Variants in OTOG observed in about 807,000 individuals in gnomAD.
The protein encoded by OTOG is otogelin.
OTOG carries 296 observed loss-of-function variants against 313.8 expected under a neutral mutation model. The observed-to-expected ratio is 0.94, with a 90% CI of 0.86 to 1.04. The LOEUF (loss-of-function observed/expected upper bound fraction) is 1.04, where lower values mean the gene tolerates loss of function less well. Among genes scored for constraint, OTOG ranks in the 50% least tolerant of loss-of-function variants. The pLI is 0.00. For synonymous variants in OTOG, 1,533 were observed against 1,554.9 expected, an observed-to-expected ratio of 0.99 and a Z score of 0.33; for missense variants, 3,948 against 3,840.1, an observed-to-expected ratio of 1.03 and a Z score of -0.74.
chr11:17,596,167 C>A lies in OTOG; in HGVS notation c.3525+13C>A, dbSNP rs1249541071. On this transcript the variant is annotated intron_variant, in intron 29 of 55. Transcript: ENST00000399397. ...CTGCCACCCTGTGGTGAGTGTACCCCAGCCTCGGCTCCTCCCGAGTGCCCC... is the reference window on the plus strand; with the variant it reads ...CTGCCACCCTGTGGTGAGTGTACCCAAGCCTCGGCTCCTCCCGAGTGCCCC... 1.3e-6 allele frequency: 2 copies of A among 1,532,560 alleles called. No individual in the cohort carries two copies. Among genetic ancestry groups the A allele is most frequent in the Admixed American group, 2.0e-5 (1 of 50,986 alleles). The allele number at this position is 1,532,560 out of a possible 1,614,324, so 94.9% of individuals were successfully genotyped here. A position where few individuals can be genotyped will look rare whatever the true frequency, so the allele number is the denominator to read the frequency against.
In OTOG at chr11:17,632,151, G is replaced by A. The variant is rs188832359; in HGVS notation, c.6997G>A (p.Val2333Met). 2.1e-5 allele frequency: 33 copies of A among 1,551,056 alleles called. No individual in the cohort carries two copies. Among genetic ancestry groups the A allele is most frequent in the South Asian group, 4.8e-5 (4 of 84,064 alleles). ...RDTKYVQQPC[V>M]ALTVYVAMCH... ...CACCAAGTACGTGCAGCAGCCCTGC[G>A]TGGCCCTGACTGTGTACGTGGCCAT... The change falls in exon 42 of 56, where the codon GTG becomes ATG. Residue 2333 changes from valine to methionine, a missense_variant. Coordinates refer to ENST00000399397, the MANE Select transcript of OTOG (RefSeq NM_001292063.2).
chr11:17,588,309 GGCAGGT>G (rs1852852485), intron 24 of OTOG, among the ~76,000 whole-genome samples: 1 of 152,188 alleles, frequency 6.6e-6, no homozygotes, highest in Admixed American at 6.5e-5. Context: ...CCCGTGGGGA[GGCAGGT>G]GCTGGAGATG....
intron 7 of OTOG, 125 bp from the exon 8 acceptor site, chr11:17,556,993 G>T: frequency 1.1e-6 from 1 of 889,204 alleles, no homozygotes; most frequent in Admixed American, 2.4e-5. Flanking sequence ...GGAATTCTGG[G>T]AATTCATGGG....
chr11:17,612,075 T>C lies in OTOG; in HGVS notation c.6124-87T>C. ...GTCCCCTGCCCCGCTAGGACCTACATGTGGGAAGGATCTGGTGCCATCACA... is the reference window on the plus strand; with the variant it reads ...GTCCCCTGCCCCGCTAGGACCTACACGTGGGAAGGATCTGGTGCCATCACA... On this transcript the variant is annotated intron_variant, in intron 36 of 55. Transcript: ENST00000399397. 7 of 1,466,276 alleles carry C rather than the reference T, an allele frequency of 4.8e-6. No homozygotes were observed. The South Asian group carries it at 8.6e-5, about 18-fold the overall frequency. 90.8% of individuals were successfully genotyped at this position (1,466,276 alleles called of 1,614,324 possible).
At chr11:17,557,999 T>C (rs1852090971) in intron 8 of OTOG, among the ~76,000 whole-genome samples, 186 bp from the exon 9 acceptor site, 1 of 152,170 alleles carries the variant, frequency 6.6e-6, no homozygotes, top group South Asian at 2.1e-4. Context: ...TGGCTATTAC[T>C]ATCAAACAGC....
intron 4 of OTOG, 66 bp from the exon 5 acceptor site, chr11:17,553,053 G>C: frequency 6.8e-7 from 1 of 1,460,324 alleles, no homozygotes; most frequent in Non-Finnish European, 9.4e-7. Context: ...AAGCCTGAGA[G>C]GGCTGCCTCC....
At chr11:17,629,618 A>G (rs963914468) in intron 40 of OTOG, among the ~76,000 whole-genome samples, 2 of 152,158 alleles carry the variant, frequency 1.3e-5, no homozygotes, top group African/African-American at 2.4e-5. Context: ...TGGGCATTTC[A>G]CAAAGTACTT....
intron 32 of OTOG, 107 bp downstream of exon 32, chr11:17,602,484 G>A (rs955486942): frequency 6.2e-6 from 8 of 1,289,240 alleles, no homozygotes; most frequent in Non-Finnish European, 8.3e-6. Flanking sequence ...GAGAAATAGG[G>A]GCTCCGACAA....
intron 54 of OTOG, among the ~76,000 whole-genome samples, chr11:17,645,325 C>T (rs1345190968): frequency 6.6e-6 from 1 of 152,214 alleles, no homozygotes; most frequent in East Asian, 1.9e-4. Flanking sequence ...CAAGGGGGCC[C>T]TGCTGGCCTT....
At chr11:17,584,190 G>A (rs1383581545) in intron 23 of OTOG, among the ~76,000 whole-genome samples, 1 of 152,098 alleles carries the variant, frequency 6.6e-6, no homozygotes, top group Non-Finnish European at 1.5e-5. Context: ...ATGAGTTCTA[G>A]TGGCTTTTCT....
At chr11:17,594,269 T>G (rs1374795905) in intron 28 of OTOG, 103 bp downstream of exon 28, 2 of 1,420,182 alleles carry the variant, frequency 1.4e-6, no homozygotes, top group Non-Finnish European at 1.9e-6. Context: ...GGTGTGAGGT[T>G]TCTCCTGCAA....
At chr11:17,604,535 C>G (rs563206969) in intron 32 of OTOG, among the ~76,000 whole-genome samples, 1 of 152,206 alleles carries the variant, frequency 6.6e-6, no homozygotes, top group Non-Finnish European at 1.5e-5. Context: ...CTCCCTCATC[C>G]GCCGTCAGTG....
intron 23 of OTOG, among the ~76,000 whole-genome samples, chr11:17,579,231 A>AC (rs2134037708): frequency 6.6e-6 from 1 of 152,262 alleles, no homozygotes; most frequent in Admixed American, 6.5e-5. Context: ...ATTAGTGGTC[A>AC]CCCGGGAGTC....
intron 39 of OTOG, among the ~76,000 whole-genome samples, chr11:17,628,506 A>G (rs1030457646): frequency 1.2e-4 from 19 of 152,196 alleles, no homozygotes; most frequent in African/African-American, 4.6e-4. Context: ...TTGAATTTAA[A>G]GTGTTTGTGA....
intron 23 of OTOG, among the ~76,000 whole-genome samples, chr11:17,585,164 T>C (rs1229222594): frequency 2.0e-5 from 3 of 152,262 alleles, no homozygotes; most frequent in Non-Finnish European, 4.4e-5. Context: ...GAATTTTAAC[T>C]TCAAATTTAA....
chr11:17,547,867 T>C, intron 1 of OTOG, 60 bp from the exon 2 acceptor site: 1 of 443,426 alleles, frequency 2.3e-6, no homozygotes. Flanking sequence ...GGGGGCCAGG[T>C]GGTGGGAGGC....
chr11:17,639,360 A>G (rs1847919273), intron 48 of OTOG, 63 bp from the exon 49 acceptor site: 2 of 1,511,156 alleles, frequency 1.3e-6, no homozygotes, highest in Non-Finnish European at 1.8e-6. Flanking sequence ...GGTCCAGGGT[A>G]CCCAGGGGAT....
At chr11:17,548,275 C>A in intron 3 of OTOG, 63 bp downstream of exon 3, 1 of 1,414,286 alleles carries the variant, frequency 7.1e-7, no homozygotes, top group Non-Finnish European at 9.5e-7. Context: ...GGATCTGAGG[C>A]TGGCAGGGAG....
At chr11:17,629,049 T>A in intron 39 of OTOG, 84 bp from the exon 40 acceptor site, 1 of 1,313,068 alleles carries the variant, frequency 7.6e-7, no homozygotes, top group Non-Finnish European at 1.1e-6. Flanking sequence ...GATGGATGGA[T>A]GAATGGATGG....
Sources: gnomAD v4.1 joint callset for allele counts (sites outside exome capture counted in the v4.1 genomes callset) on GRCh38, gnomAD v4.1.1 for gene constraint, MANE v1.5 for transcripts, NCBI Gene and HGNC (gene_info 2026-07-23, HGNC 2026-07-21) for gene names.